Variants in ASAP2 observed in about 807,000 individuals in gnomAD.
The protein encoded by ASAP2 is arf-GAP with SH3 domain, ANK repeat and PH domain-containing protein 2.
ASAP2 carries 45 observed loss-of-function variants against 131.4 expected under a neutral mutation model. The ratio of observed to expected loss-of-function variants is 0.34; its 90% CI spans 0.27 to 0.44. The LOEUF is 0.44. Ranked by LOEUF, ASAP2 falls within the 20% of genes least tolerant of loss-of-function variation. The pLI, the probability that ASAP2 is intolerant of heterozygous loss-of-function variation, is 1.00. For missense variants in ASAP2, 1,011 were observed against 1,297.0 expected (o/e 0.78, Z 3.39); for synonymous variants, 510 against 503.0 (o/e 1.01, Z -0.19).
At chr2:9,336,086 G>A (rs1215423874) in intron 9 of ASAP2, 1 of 152,134 alleles carries the variant, frequency 6.6e-6, no homozygotes. Flanking sequence ...AATTTTGCAT[G>A]TTTTATTCGT....
chr2:9,390,441 C>T lies in ASAP2; in HGVS notation c.2384-621C>T, dbSNP rs1490932153. On this transcript the variant is annotated intron_variant, in intron 22 of 27. Coordinates refer to ENST00000281419, the MANE Select transcript of ASAP2 (RefSeq NM_003887.3). ...ACACCTAGCACCTGGGCCCTGTGCA[C>T]CTGAGCTTGGAGGTTTGTGAGGCAG... Among the ~76,000 whole-genome samples the T allele has an allele frequency of 1.2e-4, 18 of 152,346 alleles. No individual in the cohort carries two copies. The East Asian group carries it at 3.5e-3, about 29-fold the overall frequency.
At chr2:9,295,980 C>T (rs1668128039) in intron 2 of ASAP2, among the ~76,000 whole-genome samples, 1 of 152,164 alleles carries the variant, frequency 6.6e-6, no homozygotes. Flanking sequence ...TTGTCAGGCC[C>T]AGCCTAGCCA....
intron 1 of ASAP2, among the ~76,000 whole-genome samples, chr2:9,250,893 T>C (rs1030401998): frequency 6.6e-6 from 1 of 152,186 alleles, no homozygotes; most frequent in African/African-American, 2.4e-5. Context: ...TAGACAAGAC[T>C]CGGGGCTTGC....
At chr2:9,291,903 T>C (rs1399639412) in intron 2 of ASAP2, among the ~76,000 whole-genome samples, 4 of 152,050 alleles carry the variant, frequency 2.6e-5, no homozygotes, top group Admixed American at 1.3e-4. Flanking sequence ...TGTCGCTGTC[T>C]TCAGCTCTTA....
chr2:9,274,566 G>A (rs1258776204), intron 1 of ASAP2, among the ~76,000 whole-genome samples: 3 of 151,796 alleles, frequency 2.0e-5, no homozygotes, highest in Non-Finnish European at 2.9e-5. Flanking sequence ...CAAGTAATCC[G>A]GCCATCTCGG....
At chr2:9,240,262 T>A (rs1361528901) in intron 1 of ASAP2, among the ~76,000 whole-genome samples, 3 of 150,248 alleles carry the variant, frequency 2.0e-5, no homozygotes, top group African/African-American at 4.9e-5. Flanking sequence ...TTTTTTTTTT[T>A]TTTTTATTTG....
At chr2:9,399,630 C>T (rs1251824248) in intron 24 of ASAP2, 3 of 245,720 alleles carry the variant, frequency 1.2e-5, no homozygotes, top group East Asian at 1.0e-4. Context: ...TGCTCGGACC[C>T]GTCCTGGCAA....
intron 1 of ASAP2, among the ~76,000 whole-genome samples, chr2:9,257,785 A>G (rs900061076): frequency 6.6e-6 from 1 of 152,136 alleles, no homozygotes; most frequent in African/African-American, 2.4e-5. Flanking sequence ...CGGCCTCCCA[A>G]AGTGCTGGGA....
intron 3 of ASAP2, among the ~76,000 whole-genome samples, chr2:9,305,576 G>GGGGT (rs1668852513): frequency 2.4e-4 from 33 of 139,378 alleles, no homozygotes; most frequent in African/African-American, 6.6e-4. Context: ...CTGTAGTAGT[G>GGGGT]AGGTATAGAT....
At position 9,379,153 on chromosome 2, in the gene ASAP2, A is replaced by G. The variant is rs57184463; in HGVS notation, c.1948+94A>G. 0.024 allele frequency: 19,317 copies of G among 805,980 alleles called. 2,327 individuals carry two copies. In the African/African-American group the frequency reaches 0.28, roughly 12 times the overall value. The allele number at this position is 805,980 out of a possible 1,614,324, so 49.9% of individuals were successfully genotyped here. A position where few individuals can be genotyped will look rare whatever the true frequency, so the allele number is the denominator to read the frequency against. ...AGCGCTGCTCTTGGAAACAGGGCCA[A>G]CCCTGTGGGCTCTTGTTAGTGCCAA... On this transcript the variant is annotated intron_variant, in intron 19 of 27. Coordinates refer to ENST00000281419, the MANE Select transcript of ASAP2 (RefSeq NM_003887.3).
intron 14 of ASAP2, among the ~76,000 whole-genome samples, chr2:9,356,584 G>T (rs997255275): frequency 2.6e-5 from 4 of 152,222 alleles, no homozygotes; most frequent in African/African-American, 9.6e-5. Context: ...GGGTTTGACA[G>T]AGCTGCAAAG....
chr2:9,366,025 G>A (rs1007947515), intron 15 of ASAP2, among the ~76,000 whole-genome samples: 1 of 152,118 alleles, frequency 6.6e-6, no homozygotes, highest in Non-Finnish European at 1.5e-5. Flanking sequence ...AGATGCCAGG[G>A]CTCAGGTCGA....
chr2:9,319,107 G>T (rs531777876), intron 4 of ASAP2, among the ~76,000 whole-genome samples: 1 of 152,170 alleles, frequency 6.6e-6, no homozygotes, highest in Admixed American at 6.5e-5. Flanking sequence ...GTTTAAGGGG[G>T]CAGCAGACGG....
intron 24 of ASAP2, among the ~76,000 whole-genome samples, chr2:9,397,341 G>A (rs1234729621): frequency 6.6e-6 from 1 of 152,148 alleles, no homozygotes; most frequent in African/African-American, 2.4e-5. Flanking sequence ...TCTAGCTGGC[G>A]GGAGCTGGAC....
intron 11 of ASAP2, among the ~76,000 whole-genome samples, chr2:9,349,151 A>G (rs1672171012): frequency 6.6e-6 from 1 of 152,240 alleles, no homozygotes; most frequent in African/African-American, 2.4e-5. Context: ...GTATAGGTAT[A>G]TAATAAAAAT....
chr2:9,243,425 A>C (rs543306495), intron 1 of ASAP2, among the ~76,000 whole-genome samples: 27 of 152,310 alleles, frequency 1.8e-4, no homozygotes, highest in Non-Finnish European at 3.5e-4. Flanking sequence ...TTTTTTTATA[A>C]TGTGCATTTT....
intron 1 of ASAP2, among the ~76,000 whole-genome samples, chr2:9,241,463 G>T (rs1325668604): frequency 6.6e-6 from 1 of 152,170 alleles, no homozygotes; most frequent in African/African-American, 2.4e-5. Flanking sequence ...AACTGGCTGG[G>T]TGTGGTGGCT....
At chr2:9,243,892 C>T (rs543349409) in intron 1 of ASAP2, among the ~76,000 whole-genome samples, 14 of 152,156 alleles carry the variant, frequency 9.2e-5, no homozygotes, top group African/African-American at 2.9e-4. Context: ...AATTTTTGTT[C>T]CCTCCCCAGA....
At chr2:9,396,863 A>G (rs888998213) in intron 24 of ASAP2, among the ~76,000 whole-genome samples, 3 of 152,180 alleles carry the variant, frequency 2.0e-5, no homozygotes, top group African/African-American at 7.2e-5. Context: ...TTAGCCGGGC[A>G]TGATGGCACA....
Sources: allele counts gnomAD v4.1 joint callset (sites outside exome capture counted in the v4.1 genomes callset), GRCh38; gene constraint gnomAD v4.1.1; transcripts MANE v1.5; gene names NCBI Gene and HGNC (gene_info 2026-07-23, HGNC 2026-07-21).